EFHC2: variants seen among roughly 807,000 people sequenced by gnomAD.
EFHC2 encodes EF-hand domain containing 2.
EFHC2 carries 18 observed loss-of-function variants against 52.7 expected under a neutral mutation model. That is an observed-to-expected ratio of 0.34 (90% CI 0.24 to 0.51). The LOEUF is 0.51. EFHC2 is among the 20% of genes least tolerant of loss of function. The pLI, the probability that EFHC2 is intolerant of heterozygous loss-of-function variation, is 0.97. For synonymous variants in EFHC2, 203 were observed against 204.1 expected (o/e 0.99, Z 0.04); for missense variants, 513 against 562.5 (o/e 0.91, Z 0.89).
At chrX:44,291,476 A>G (rs897326924) in intron 2 of EFHC2, among the ~76,000 whole-genome samples, 1 of 112,288 alleles carries the variant, frequency 8.9e-6, no homozygotes, top group African/African-American at 3.2e-5. Context: ...TCATGACTAA[A>G]TCTATGGTTT....
chrX:44,157,399 C>A, intron 14 of EFHC2, among the ~76,000 whole-genome samples: 1 of 111,111 alleles, frequency 9.0e-6, no homozygotes, highest in Middle Eastern at 4.7e-3. Context: ...CCCTCAAGAT[C>A]CATTCTTTGC....
chrX:44,324,717 G>A (rs1344955867), intron 1 of EFHC2, among the ~76,000 whole-genome samples: 3 of 111,509 alleles, frequency 2.7e-5, no homozygotes, highest in Non-Finnish European at 5.6e-5. Context: ...AGCATGTGGG[G>A]CCCATAAAAT....
chrX:44,199,235 C>T lies in EFHC2; in HGVS notation c.1752-20671G>A, dbSNP rs1473075322. On this transcript the variant is annotated intron_variant, in intron 11 of 14. Coordinates refer to ENST00000420999, the MANE Select transcript of EFHC2 (RefSeq NM_025184.4). Reference sequence around the variant, plus strand: ...TCTGCTTGTTTAAAAGAAGTTGACACCTCCTTACTCTCTCTCTTGCTCCCT... The same window carrying T: ...TCTGCTTGTTTAAAAGAAGTTGACATCTCCTTACTCTCTCTCTTGCTCCCT... Among the ~76,000 whole-genome samples the T allele has an allele frequency of 3.5e-5, 4 of 112,724 alleles. No individual in the cohort carries two copies. The East Asian group carries it at 8.5e-4, about 24-fold the overall frequency.
In EFHC2 at chrX:44,287,040, A is replaced by G. The variant is rs1276492601; in HGVS notation, c.232-14204T>C. Reference sequence around the variant, plus strand: ...ACTCCCATCTCTAAAAAAAAAAAAAAAAAAAAAAAAAAAAGTTTTTTAATG... The same window carrying G: ...ACTCCCATCTCTAAAAAAAAAAAAAGAAAAAAAAAAAAAAGTTTTTTAATG... On this transcript the variant is annotated intron_variant, in intron 2 of 14. Coordinates refer to ENST00000420999, the MANE Select transcript of EFHC2 (RefSeq NM_025184.4). Among the ~76,000 whole-genome samples the G allele has an allele frequency of 1.3e-4, 13 of 99,284 alleles. No individual in the cohort carries two copies. The Admixed American group carries it at 1.5e-3, about 11-fold the overall frequency. The allele number at this position is 99,284 out of a possible 115,157, so 86.2% of individuals were successfully genotyped here.
intron 2 of EFHC2, among the ~76,000 whole-genome samples, chrX:44,312,294 A>T (rs777863240): frequency 8.9e-6 from 1 of 112,251 alleles, no homozygotes; most frequent in South Asian, 3.7e-4. Context: ...TAATTAGCTC[A>T]ATTTAGCCAT....
In EFHC2 at chrX:44,176,371, G is replaced by A. The variant is rs1392465900; in HGVS notation, c.1963C>T (p.Pro655Ser). 2.5e-6 allele frequency: 3 copies of A among 1,189,213 alleles called. No individual in the cohort carries two copies. The highest frequency in any genetic ancestry group is 3.5e-5 in the African/African-American group (2 of 56,768). ...CACAGCCTTTTAATGTCTTTGGTGG[G>A]TAATACATTTTTTCTGCATTAAAAC... ...YEDREKKNVL[P>S]TKDIKRLCKS... Residue 655 changes from proline to serine, a missense_variant, in exon 13 of 15, where the codon CCC becomes TCC. Physicochemically the swap from Pro to Ser is moderately conservative, Grantham distance 74. Coordinates refer to ENST00000420999, the MANE Select transcript of EFHC2 (RefSeq NM_025184.4).
intron 11 of EFHC2, among the ~76,000 whole-genome samples, chrX:44,227,212 G>A (rs183424878): frequency 1.6e-4 from 18 of 110,759 alleles, no homozygotes; most frequent in East Asian, 8.6e-4. Context: ...ACACACATAC[G>A]CATACATAAT....
intron 11 of EFHC2, among the ~76,000 whole-genome samples, chrX:44,219,461 G>A (rs1466845925): frequency 2.7e-5 from 3 of 111,325 alleles, no homozygotes; most frequent in Non-Finnish European, 3.8e-5. Flanking sequence ...TGAAATGCAC[G>A]AAAATTAAGA....
chrX:44,312,424 T>C, intron 2 of EFHC2, 144 bp downstream of exon 2: 1 of 397,659 alleles, frequency 2.5e-6, no homozygotes, highest in Non-Finnish European at 4.1e-6. Flanking sequence ...ACACTAAAAA[T>C]AAAGGCAATA....
intron 11 of EFHC2, among the ~76,000 whole-genome samples, chrX:44,192,714 T>C (rs2036931331): frequency 8.9e-6 from 1 of 111,786 alleles, no homozygotes; most frequent in African/African-American, 3.3e-5. Flanking sequence ...AAGATAGTTC[T>C]CTGGTTTATT....
intron 2 of EFHC2, among the ~76,000 whole-genome samples, chrX:44,288,127 G>GT (rs2037766386): frequency 1.8e-5 from 2 of 111,302 alleles, no homozygotes; most frequent in African/African-American, 6.5e-5. Flanking sequence ...AAAATCAATA[G>GT]AAGAGTCAAA....
At chrX:44,199,845 G>A (rs1030827284) in intron 11 of EFHC2, among the ~76,000 whole-genome samples, 1 of 111,848 alleles carries the variant, frequency 8.9e-6, no homozygotes, top group Non-Finnish European at 1.9e-5. Flanking sequence ...GAAAACATCA[G>A]ACAACTCCAA....
At chrX:44,270,270 A>G (rs1276749764) in intron 3 of EFHC2, among the ~76,000 whole-genome samples, 4 of 111,833 alleles carry the variant, frequency 3.6e-5, no homozygotes, top group Non-Finnish European at 5.6e-5. Context: ...ACCAGACACA[A>G]TGAAGCCATG....
At chrX:44,176,092 T>G (rs1021548171) in intron 13 of EFHC2, among the ~76,000 whole-genome samples, 200 bp downstream of exon 13, 5 of 112,557 alleles carry the variant, frequency 4.4e-5, no homozygotes, top group Admixed American at 9.4e-5. Context: ...AAAATAATAA[T>G]TTGTAATAGG....
chrX:44,188,515 A>G (rs1240445515), intron 11 of EFHC2, among the ~76,000 whole-genome samples: 2 of 111,289 alleles, frequency 1.8e-5, no homozygotes, highest in East Asian at 5.6e-4. Context: ...AGAGGAATGG[A>G]CCAGATTTGA....
At chrX:44,281,767 T>C (rs1241408350) in intron 2 of EFHC2, among the ~76,000 whole-genome samples, 2 of 112,212 alleles carry the variant, frequency 1.8e-5, no homozygotes, top group Non-Finnish European at 3.8e-5. Flanking sequence ...AACTTTAATT[T>C]TATAAAAATG....
rs1020881828 is a variant in EFHC2, at chrX:44,275,774, C to G, written c.232-2938G>C. ...ACTAAAAATACAAAAATTAGCCGTG[C>G]GTGCTGGCACATGCTTGTAATCCCA... On this transcript the variant is annotated intron_variant, in intron 2 of 14. Transcript: ENST00000420999. 8.3e-5 allele frequency among the ~76,000 whole-genome samples: 9 copies of G among 108,288 alleles called. No homozygotes were observed. The South Asian group carries it at 3.3e-3, about 40-fold the overall frequency. The allele number at this position is 108,288 out of a possible 115,157, so 94.0% of individuals were successfully genotyped here.
intron 3 of EFHC2, among the ~76,000 whole-genome samples, chrX:44,272,319 G>A (rs1762206666): frequency 8.9e-6 from 1 of 112,217 alleles, no homozygotes; most frequent in Admixed American, 9.5e-5. Context: ...AGCTGCAGTA[G>A]AGAACAGCTT....
intron 11 of EFHC2, among the ~76,000 whole-genome samples, chrX:44,196,910 C>T (rs2036969911): frequency 8.9e-6 from 1 of 112,146 alleles, no homozygotes; most frequent in Admixed American, 9.5e-5. Flanking sequence ...TAGTTTGATT[C>T]TAAATCATAA....
Sources: gnomAD v4.1 joint callset for allele counts (sites outside exome capture counted in the v4.1 genomes callset) on GRCh38, gnomAD v4.1.1 for gene constraint, MANE v1.5 for transcripts, NCBI Gene and HGNC (gene_info 2026-07-23, HGNC 2026-07-21) for gene names.